The following CNTNAP2 variants were observed in gnomAD, a reference collection of about 807,000 sequenced individuals.
CNTNAP2 encodes contactin associated protein 2, also known as contactin-associated protein-like 2.
A neutral mutation model predicts 155.2 loss-of-function variants in CNTNAP2; 98 were observed. The ratio of observed to expected loss-of-function variants is 0.63; its 90% CI spans 0.54 to 0.75. CNTNAP2 has a LOEUF of 0.75. Among genes scored for constraint, CNTNAP2 ranks in the 30% least tolerant of loss-of-function variants. CNTNAP2 has a pLI of 0.00. For missense variants in CNTNAP2, 1,727 were observed against 1,688.1 expected, an observed-to-expected ratio of 1.02 and a Z score of -0.40; for synonymous variants, 651 against 631.2, an observed-to-expected ratio of 1.03 and a Z score of -0.47.
intron 21 of CNTNAP2, among the ~76,000 whole-genome samples, chr7:148,343,122 G>A (rs948219750): frequency 2.6e-5 from 4 of 152,298 alleles, no homozygotes; most frequent in African/African-American, 7.2e-5. Flanking sequence ...TGAGGTCCCC[G>A]CTGTTTAGCT....
At chr7:147,357,540 C>G (rs1015918025) in intron 9 of CNTNAP2, among the ~76,000 whole-genome samples, 8 of 151,750 alleles carry the variant, frequency 5.3e-5, no homozygotes, top group African/African-American at 1.9e-4. Context: ...TTTTTTTGCC[C>G]TTTCTTCTTC....
intron 15 of CNTNAP2, among the ~76,000 whole-genome samples, chr7:148,055,306 A>G (rs1305828302): frequency 1.3e-5 from 2 of 152,180 alleles, no homozygotes; most frequent in Non-Finnish European, 2.9e-5. Flanking sequence ...CTGATCACTA[A>G]CTTTTGAAGT....
chr7:146,887,655 C>T (rs1562987921), intron 3 of CNTNAP2, among the ~76,000 whole-genome samples: 1 of 151,902 alleles, frequency 6.6e-6, no homozygotes. Flanking sequence ...GGTCTATATT[C>T]CCCTGTATTT....
chr7:146,476,240 G>A (rs979284320), intron 1 of CNTNAP2, among the ~76,000 whole-genome samples: 1 of 151,962 alleles, frequency 6.6e-6, no homozygotes, highest in Non-Finnish European at 1.5e-5. Context: ...TTTAGAGTAG[G>A]TTGTCAATGT....
At chr7:147,754,813 T>TG (rs1797192270) in intron 13 of CNTNAP2, among the ~76,000 whole-genome samples, 2 of 151,920 alleles carry the variant, frequency 1.3e-5, no homozygotes, top group African/African-American at 4.8e-5. Flanking sequence ...CAGGAATAAA[T>TG]GAAAAAAAAT....
intron 1 of CNTNAP2, among the ~76,000 whole-genome samples, chr7:146,502,310 C>A (rs1425371397): frequency 1.5e-5 from 2 of 137,676 alleles, no homozygotes; most frequent in African/African-American, 5.6e-5. Context: ...TAGGTTGATT[C>A]TATATTTTGG....
At chr7:146,459,956 C>T (rs1285292992) in intron 1 of CNTNAP2, among the ~76,000 whole-genome samples, 9 of 151,976 alleles carry the variant, frequency 5.9e-5, no homozygotes, top group South Asian at 4.2e-4. Context: ...GGTGACAGAG[C>T]GAGACTCCAT....
chr7:146,556,445 C>T (rs568293971), intron 1 of CNTNAP2, among the ~76,000 whole-genome samples: 8 of 152,220 alleles, frequency 5.3e-5, no homozygotes, highest in East Asian at 1.9e-4. Context: ...AATAACATAA[C>T]GCATGTAAAT....
chr7:147,999,443 A>C (rs1801861311), intron 15 of CNTNAP2, among the ~76,000 whole-genome samples: 1 of 152,218 alleles, frequency 6.6e-6, no homozygotes, highest in South Asian at 2.1e-4. Context: ...TTAATTGTGT[A>C]AGAATGCTTG....
intron 1 of CNTNAP2, among the ~76,000 whole-genome samples, chr7:146,320,938 G>T (rs1034197564): frequency 6.6e-6 from 1 of 151,938 alleles, no homozygotes; most frequent in Non-Finnish European, 1.5e-5. Flanking sequence ...ATCTTTTAAA[G>T]AACAGATATC....
At chr7:147,928,784 G>A (rs1372574700) in intron 14 of CNTNAP2, among the ~76,000 whole-genome samples, 1 of 152,054 alleles carries the variant, frequency 6.6e-6, no homozygotes, top group Admixed American at 6.6e-5. Flanking sequence ...ATGTTCCACA[G>A]AGTTTTTTAT....
rs1479054440 is a variant in CNTNAP2 at position 146,618,418 on chromosome 7, A to G, written c.98-155853A>G. 5.3e-5 allele frequency among the ~76,000 whole-genome samples: 8 copies of G among 152,278 alleles called. No individual in the cohort carries two copies. In the East Asian group the frequency reaches 1.4e-3, roughly 26 times the overall value. ...GAAATTAGCGATTACAATACGTTTT[A>G]TTTTTAGGATGCTTTCAAATTATTT... On this transcript the variant is annotated intron_variant, in intron 1 of 23. Coordinates refer to ENST00000361727, the MANE Select transcript of CNTNAP2 (RefSeq NM_014141.6).
intron 1 of CNTNAP2, among the ~76,000 whole-genome samples, chr7:146,680,402 T>C (rs530236978): frequency 6.6e-6 from 1 of 152,294 alleles, no homozygotes; most frequent in Non-Finnish European, 1.5e-5. Flanking sequence ...TTTACACCTC[T>C]TTTTTCTTAA....
At chr7:147,631,425 A>G (rs1330993037) in intron 12 of CNTNAP2, among the ~76,000 whole-genome samples, 1 of 152,182 alleles carries the variant, frequency 6.6e-6, no homozygotes, top group Non-Finnish European at 1.5e-5. Context: ...CAATCTACAG[A>G]TTGCAATTTC....
chr7:146,545,948 A>T (rs1798023508), intron 1 of CNTNAP2, among the ~76,000 whole-genome samples: 1 of 152,070 alleles, frequency 6.6e-6, no homozygotes, highest in South Asian at 2.1e-4. Context: ...CAAATATAGC[A>T]AATAGATTTT....
intron 8 of CNTNAP2, among the ~76,000 whole-genome samples, chr7:147,192,145 C>T (rs1237567664): frequency 6.6e-6 from 1 of 152,152 alleles, no homozygotes; most frequent in Non-Finnish European, 1.5e-5. Flanking sequence ...CTCAGCAAGA[C>T]TCTCAACACC....
chr7:148,393,254 C>T (rs963934177), intron 22 of CNTNAP2, among the ~76,000 whole-genome samples: 4 of 152,182 alleles, frequency 2.6e-5, no homozygotes, highest in African/African-American at 9.7e-5. Context: ...TCCCTTTTCT[C>T]TCCTTATGCT....
chr7:146,930,491 A>G (rs1796724864), intron 3 of CNTNAP2, among the ~76,000 whole-genome samples: 1 of 152,236 alleles, frequency 6.6e-6, no homozygotes, highest in South Asian at 2.1e-4. Flanking sequence ...ATCATACCAA[A>G]TTGTAAAGAC....
Position 147,506,804 on chromosome 7 carries a change from A to G in CNTNAP2, c.1777+20763A>G, listed in dbSNP as rs1218024368. 2.0e-5 allele frequency among the ~76,000 whole-genome samples: 3 copies of G among 152,166 alleles called. No homozygotes were observed. In the East Asian group the frequency reaches 5.8e-4, roughly 30 times the overall value. On this transcript the variant is annotated intron_variant, in intron 11 of 23. Coordinates refer to ENST00000361727, the MANE Select transcript of CNTNAP2 (RefSeq NM_014141.6). ...TAACAAAAACACACTTGTTAGACCA[A>G]ATTGATTTTCTGCTCTCTTTACGTC...
Sources: allele counts gnomAD v4.1 joint callset (sites outside exome capture counted in the v4.1 genomes callset), GRCh38; gene constraint gnomAD v4.1.1; transcripts MANE v1.5; gene names NCBI Gene and HGNC (gene_info 2026-07-23, HGNC 2026-07-21).